Variants in PRKCA observed in about 807,000 individuals in gnomAD.
The protein encoded by PRKCA is protein kinase C alpha.
In PRKCA, 27 loss-of-function variants were observed where a neutral mutation model predicts 87.0. The observed-to-expected ratio is 0.31, with a 90% confidence interval of 0.23 to 0.43. The LOEUF is 0.43. Ranked by LOEUF, PRKCA falls within the 20% of genes least tolerant of loss-of-function variation. PRKCA has a pLI of 1.00. For missense variants in PRKCA, 518 were observed against 852.3 expected (o/e 0.61, Z 4.88); for synonymous variants, 329 against 311.1 (o/e 1.06, Z -0.61).
intron 14 of PRKCA, among the ~76,000 whole-genome samples, chr17:66,786,627 G>A (rs926542342): frequency 1.1e-4 from 16 of 152,110 alleles, no homozygotes; most frequent in African/African-American, 3.9e-4. Flanking sequence ...CCTAAAGATT[G>A]TTTGGGTTGC....
intron 2 of PRKCA, among the ~76,000 whole-genome samples, chr17:66,317,777 G>A (rs1905399522): frequency 6.6e-6 from 1 of 152,162 alleles, no homozygotes; most frequent in Admixed American, 6.5e-5. Context: ...AAGTTAAATG[G>A]CTGTACACTA....
chr17:66,648,858 C>T (rs148390289), intron 5 of PRKCA, among the ~76,000 whole-genome samples: 39 of 152,024 alleles, frequency 2.6e-4, no homozygotes, highest in East Asian at 1.9e-3. Flanking sequence ...TTTGGGAGGC[C>T]GAGGCGGGTG....
At chr17:66,543,378 T>A (rs4791050) in intron 3 of PRKCA, among the ~76,000 whole-genome samples, 79,684 of 151,990 alleles carry the variant, frequency 0.52, 22,472 homozygotes, top group African/African-American at 0.73. Flanking sequence ...TATAATGAGA[T>A]ACTGTAAGAT....
chr17:66,663,751 A>AGT (rs1336739793), intron 5 of PRKCA, among the ~76,000 whole-genome samples: 1 of 152,196 alleles, frequency 6.6e-6, no homozygotes, highest in East Asian at 1.9e-4. Context: ...AGGACTGAAT[A>AGT]GTGACACCTT....
intron 3 of PRKCA, among the ~76,000 whole-genome samples, chr17:66,634,974 CAG>C (rs1403527431): frequency 6.6e-6 from 1 of 152,098 alleles, no homozygotes; most frequent in Non-Finnish European, 1.5e-5. Flanking sequence ...ATGCAAAAGA[CAG>C]AAATAAAATG....
chr17:66,737,168 C>T (rs1471135336), intron 10 of PRKCA, among the ~76,000 whole-genome samples: 22 of 145,156 alleles, frequency 1.5e-4, no homozygotes, highest in Non-Finnish European at 2.2e-4. Flanking sequence ...CTGGCTAACA[C>T]GGTGAAACCC....
At position 66,734,898 on chromosome 17, in the gene PRKCA, G is replaced by GA. The variant is rs1346612715; in HGVS notation, c.1057-591_1057-590insA. Among the ~76,000 whole-genome samples the GA allele has an allele frequency of 4.6e-5, 7 of 152,152 alleles. No homozygotes were observed. In the East Asian group the frequency reaches 1.4e-3, roughly 29 times the overall value. ...CAAAAAGCTATAGTGGGTTCACTGTGTTGTTACTATTTCTCAGTGTTCAGA... is the reference window on the plus strand; with the variant it reads ...CAAAAAGCTATAGTGGGTTCACTGTGATTGTTACTATTTCTCAGTGTTCAGA... On this transcript the variant is annotated intron_variant, in intron 9 of 16. Transcript: ENST00000413366.
chr17:66,404,326 T>C lies in PRKCA; in HGVS notation c.206-91875T>C, dbSNP rs145728408. On this transcript the variant is annotated intron_variant, in intron 2 of 16. Coordinates refer to ENST00000413366, the MANE Select transcript of PRKCA (RefSeq NM_002737.3). ...CTCCTCTGCTTCTAGGAACGTCAAA[T>C]TTCAAATAATCCTGGCCAAGTAGCT... Among the ~76,000 whole-genome samples the C allele has an allele frequency of 3.1e-4, 47 of 152,304 alleles. No homozygotes were observed. The East Asian group carries it at 4.8e-3, about 16-fold the overall frequency.
At chr17:66,395,107 A>G (rs1385856298) in intron 2 of PRKCA, among the ~76,000 whole-genome samples, 3 of 152,126 alleles carry the variant, frequency 2.0e-5, no homozygotes, top group Non-Finnish European at 2.9e-5. Flanking sequence ...TTCTTCTCTC[A>G]CTATGATTTA....
At chr17:66,456,442 A>G (rs1369161472) in intron 2 of PRKCA, among the ~76,000 whole-genome samples, 1 of 152,122 alleles carries the variant, frequency 6.6e-6, no homozygotes, top group Non-Finnish European at 1.5e-5. Flanking sequence ...TTCCCATCCA[A>G]GGCTCTATAA....
intron 2 of PRKCA, among the ~76,000 whole-genome samples, chr17:66,393,396 A>G (rs912399013): frequency 2.6e-5 from 4 of 151,538 alleles, no homozygotes; most frequent in Non-Finnish European, 4.4e-5. Context: ...CCTTATTGAC[A>G]TGCTTCTCCC....
chr17:66,623,980 T>G (rs1330783413), intron 3 of PRKCA, among the ~76,000 whole-genome samples: 2 of 150,540 alleles, frequency 1.3e-5, no homozygotes, highest in African/African-American at 4.9e-5. Flanking sequence ...GGGCAGGGAG[T>G]AGGGGGCTGT....
At chr17:66,370,868 G>A (rs1016022267) in intron 2 of PRKCA, among the ~76,000 whole-genome samples, 11 of 152,172 alleles carry the variant, frequency 7.2e-5, no homozygotes, top group African/African-American at 2.4e-4. Context: ...CTTGAGAGCA[G>A]AGAGTAAGCA....
intron 8 of PRKCA, chr17:66,696,530 A>G (rs1288154194): frequency 6.6e-6 from 1 of 152,226 alleles, no homozygotes; most frequent in East Asian, 1.9e-4. Context: ...TAAGTGCCCA[A>G]TAAATGTTTG....
intron 2 of PRKCA, among the ~76,000 whole-genome samples, chr17:66,313,140 G>T (rs1254996210): frequency 2.0e-5 from 3 of 152,118 alleles, no homozygotes; most frequent in Non-Finnish European, 4.4e-5. Flanking sequence ...TGTGTCTCCA[G>T]TGTGTAATGT....
chr17:66,740,973 G>A (rs1974147099), intron 11 of PRKCA, among the ~76,000 whole-genome samples: 1 of 152,102 alleles, frequency 6.6e-6, no homozygotes, highest in African/African-American at 2.4e-5. Flanking sequence ...GTAGACACGT[G>A]TGCTTATTTT....
chr17:66,758,596 A>C (rs1213145428), intron 13 of PRKCA, among the ~76,000 whole-genome samples: 1 of 152,182 alleles, frequency 6.6e-6, no homozygotes, highest in Non-Finnish European at 1.5e-5. Flanking sequence ...AAGAATGCCA[A>C]GGCCAGCAAG....
At chr17:66,784,566 T>C (rs1975331821) in intron 14 of PRKCA, among the ~76,000 whole-genome samples, 1 of 152,226 alleles carries the variant, frequency 6.6e-6, no homozygotes, top group Non-Finnish European at 1.5e-5. Context: ...GTTTTAGTTA[T>C]GAAAATCTCC....
chr17:66,355,515 GT>G (rs1035899615), intron 2 of PRKCA, among the ~76,000 whole-genome samples: 1 of 152,064 alleles, frequency 6.6e-6, no homozygotes, highest in Admixed American at 6.5e-5. Context: ...ATCATTCTGA[GT>G]TTTTTTGTAC....
Sources: allele counts gnomAD v4.1 joint callset (sites outside exome capture counted in the v4.1 genomes callset), GRCh38; gene constraint gnomAD v4.1.1; transcripts MANE v1.5; gene names NCBI Gene and HGNC (gene_info 2026-07-23, HGNC 2026-07-21).